SEPTIN1: variants seen among roughly 807,000 people sequenced by gnomAD.
SEPTIN1 encodes the protein septin-1.
SEPTIN1 carries 52 observed loss-of-function variants against 50.7 expected under a neutral mutation model. The observed-to-expected ratio is 1.03, with a 90% CI of 0.82 to 1.29. The LOEUF (loss-of-function observed/expected upper bound fraction) is 1.29. Ranked by LOEUF, SEPTIN1 falls within the 50% of genes most tolerant of loss-of-function variation. SEPTIN1 has a pLI of 0.00. For synonymous variants in SEPTIN1, 204 were observed against 189.1 expected (o/e 1.08, Z -0.65); for missense variants, 455 against 490.7 (o/e 0.93, Z 0.69).
rs1382624012 is a variant in SEPTIN1, at chr16:30,379,015, C to T, written c.941+3G>A. On this transcript the variant is annotated splice_donor_region_variant and intron_variant, in intron 9 of 10. Transcript: ENST00000321367. ...CTCTGATACTGTCCGCCCCGGGTCT[C>T]ACCTGCGGCTGGCTCGATCGCGAGC... 6.2e-7 allele frequency: 1 copy of T among 1,612,624 alleles called. No homozygotes were observed. The highest frequency in any genetic ancestry group is 2.2e-5 in the East Asian group (1 of 44,846).
chr16:30,378,374 G>A lies in SEPTIN1; in HGVS notation c.*60C>T. On this transcript the variant is annotated 3_prime_UTR_variant, in exon 11 of 11. Transcript: ENST00000321367. ...GGGGCGCTGGGCAGTGTGGGGCGCG[G>A]GGATTGGACAAGAGGCCGACTGAAG... is the stretch of plus-strand genomic sequence containing the variant. 1 of 1,450,808 alleles carries A rather than the reference G, an allele frequency of 6.9e-7. No homozygotes were observed. Among genetic ancestry groups the A allele is most frequent in the Non-Finnish European group, 9.2e-7 (1 of 1,090,640 alleles). 89.9% of individuals were successfully genotyped at this position (1,450,808 alleles called of 1,614,324 possible).
intron 7 of SEPTIN1, 37 bp from the exon 8 acceptor site, chr16:30,379,571 C>T: frequency 6.6e-7 from 1 of 1,505,168 alleles, no homozygotes; most frequent in Non-Finnish European, 9.2e-7. Context: ...CATTGGCTCA[C>T]ACGGCAGAAA....
intron 8 of SEPTIN1, 93 bp from the exon 9 acceptor site, chr16:30,379,276 A>C: frequency 2.6e-6 from 4 of 1,532,362 alleles, no homozygotes; most frequent in Non-Finnish European, 3.6e-6. Context: ...TCCTGCTGCC[A>C]CTCTAGCGGA....
intron 6 of SEPTIN1, chr16:30,380,863 G>A: frequency 1.9e-6 from 1 of 514,384 alleles, no homozygotes; most frequent in Non-Finnish European, 3.5e-6. Flanking sequence ...CCAGAGGGAA[G>A]TCACTATGTT....
At position 30,379,996 on chromosome 16, in the gene SEPTIN1, T is replaced by C. The variant is rs759279701; in HGVS notation, c.611A>G (p.Tyr204Cys). Residue 204 changes from tyrosine (Y) to cysteine (C), a missense_variant, in exon 7 of 11, where the codon TAC becomes TGC. Transcript: ENST00000321367. ...ATCAGAGTCACATTCGGGGAACTGG[T>C]AGATGTGGATCTCCTCTTCCTTCAA... ...DQLKEEEIHI[Y>C]QFPECDSDED... 6.2e-7 allele frequency: 1 copy of C among 1,612,526 alleles called. No individual in the cohort carries two copies. The highest frequency in any genetic ancestry group is 8.5e-7 in the Non-Finnish European group (1 of 1,178,972).
chr16:30,378,666 G>C lies in SEPTIN1; in HGVS notation c.976C>G (p.Leu326Val), dbSNP rs1567422421. ...GTGTCCGCCAGAGGCAGCATGGGCAGCGGGATCTCTGTGGCGCTCTGGCGG... is the reference window on the plus strand; with the variant it reads ...GTGTCCGCCAGAGGCAGCATGGGCACCGGGATCTCTGTGGCGCTCTGGCGG... ...LSRQSATEIP[L>V]PMLPLADTEK... Residue 326 changes from leucine to valine, a missense_variant, in exon 10 of 11, where the codon CTG becomes GTG. Transcript: ENST00000321367. 3 of 1,609,998 alleles carry C rather than the reference G, an allele frequency of 1.9e-6. No individual in the cohort carries two copies. Among genetic ancestry groups the C allele is most frequent in the Non-Finnish European group, 2.5e-6 (3 of 1,179,960 alleles).
In SEPTIN1 at chr16:30,379,944, A is replaced by G. The variant is rs1196883326; in HGVS notation, c.663T>C (p.Asp221=). 2 of 1,551,528 alleles carry G rather than the reference A, an allele frequency of 1.3e-6. No individual in the cohort carries two copies. Among genetic ancestry groups the G allele is most frequent in the Non-Finnish European group, 1.8e-6 (2 of 1,124,314 alleles). The change falls in exon 7 of 11, where the codon GAT becomes GAC. Residue 221 remains aspartate, a synonymous_variant. Coordinates refer to ENST00000321367, the MANE Select transcript of SEPTIN1 (RefSeq NM_001365977.2). ...TTGTTTCCCACACCTTCATCTCTGC[A>G]TCCTGCCTCTTGAAGTCTTCATCTT... is the stretch of plus-strand genomic sequence containing the variant. ...SDEDEDFKRQ[D]AEMKESIPFA...
In SEPTIN1 at chr16:30,378,173, T is replaced by C; in HGVS notation, c.*261A>G. On this transcript the variant is annotated 3_prime_UTR_variant, in exon 11 of 11. Transcript: ENST00000321367. The stretch of plus-strand genomic sequence containing the variant: ...CTCAGTTTTTATTGAAGACAGAGTC[T>C]GGGAGAAGAAGGGGGACTCCGGAAG... 3 of 705,164 alleles carry C rather than the reference T, an allele frequency of 4.3e-6. No individual in the cohort carries two copies. The East Asian group carries it at 8.1e-5, about 19-fold the overall frequency. The allele number at this position is 705,164 out of a possible 1,614,324, so 43.7% of individuals were successfully genotyped here.
chr16:30,380,351 G>C, intron 6 of SEPTIN1: 1 of 162,618 alleles, frequency 6.1e-6, no homozygotes, highest in Non-Finnish European at 1.3e-5. Flanking sequence ...ACCCAGGCTG[G>C]AGTCCAGTGG....
chr16:30,382,560 C>G lies in SEPTIN1; in HGVS notation c.-18G>C, dbSNP rs1375374572. 1.6e-5 allele frequency: 26 copies of G among 1,586,348 alleles called. No homozygotes were observed. Among genetic ancestry groups the G allele is most frequent in the Non-Finnish European group, 2.1e-5 (25 of 1,166,180 alleles). On this transcript the variant is annotated 5_prime_UTR_variant, in exon 1 of 11. Coordinates refer to ENST00000321367, the MANE Select transcript of SEPTIN1 (RefSeq NM_001365977.2). This position sits in a 1 kb window ranked among gnomAD's most constrained non-coding sequence, Gnocchi z 4.8. ...CCAGCCATCACTGCACCTGCCGTCT[C>G]TCCCCACTTCCTCTGGTGGGGCAGG... is the stretch of plus-strand genomic sequence containing the variant.
At chr16:30,379,349 C>T in intron 8 of SEPTIN1, 86 bp downstream of exon 8, 1 of 1,440,670 alleles carries the variant, frequency 6.9e-7, no homozygotes, top group Non-Finnish European at 9.7e-7. Context: ...GACCAAAGCC[C>T]ACCCCAACTT....
intron 9 of SEPTIN1, 151 bp from the exon 10 acceptor site, chr16:30,378,851 A>AGGGGGAGAGAGGGAGG (rs1567422669): frequency 2.5e-6 from 1 of 393,144 alleles, no homozygotes; most frequent in East Asian, 8.7e-5. Context: ...GTGGGGAGAG[A>AGGGGGAGAGAGGGAGG]GGGGGAGAGA....
chr16:30,379,181 C>T lies in SEPTIN1; in HGVS notation c.778G>A (p.Glu260Lys). 2 of 1,613,980 alleles carry T rather than the reference C, an allele frequency of 1.2e-6. No individual in the cohort carries two copies. The highest frequency in any genetic ancestry group is 1.7e-6 in the Non-Finnish European group (2 of 1,179,896). Residue 260 changes from glutamate (E) to lysine (K), a missense_variant and splice_region_variant, in exon 9 of 11, where the codon GAG becomes AAG. Transcript: ENST00000321367. The stretch of plus-strand genomic sequence containing the variant: ...AGGAAATCGCAGTGATGTGGGTTCT[C>T]CACTGGAGGGGGGGCGGCGCGGACC... ...RRYSWGTVEV[E>K]NPHHCDFLNL... is the part of the protein sequence containing the mutation.
At chr16:30,382,607 GGGGC>G, upstream of SEPTIN1, 1 of 1,553,598 alleles carries the variant, frequency 6.4e-7, no homozygotes, top group Non-Finnish European at 8.7e-7. This position sits in a 1 kb window ranked among gnomAD's most constrained non-coding sequence, Gnocchi z 4.8. Context: ...GGCTAACAAG[GGGGC>G]GGGCAGAAGA....
At chr16:30,382,734 C>T, upstream of SEPTIN1, 6 of 1,536,362 alleles carry the variant, frequency 3.9e-6, no homozygotes, top group Non-Finnish European at 5.2e-6. The surrounding 1 kb of genome is among the most constrained non-coding windows in gnomAD (Gnocchi z 4.8). Flanking sequence ...TGTCTACGTA[C>T]CTTCAACCCT....
At position 30,379,144 on chromosome 16, in the gene SEPTIN1, C is replaced by T. The variant is rs778077160; in HGVS notation, c.815G>A (p.Arg272Gln). Residue 272 changes from arginine to glutamine, a missense_variant, in exon 9 of 11, where the codon CGG becomes CAG. Arg to Gln is a conservative substitution (Grantham distance 43). Coordinates refer to ENST00000321367, the MANE Select transcript of SEPTIN1 (RefSeq NM_001365977.2). Reference sequence around the variant, plus strand: ...CTGCAGGTGTGTCTGCACCAGCATCCGTCGCAGGTTCAGGAAATCGCAGTG... The same window carrying T: ...CTGCAGGTGTGTCTGCACCAGCATCTGTCGCAGGTTCAGGAAATCGCAGTG... Reference protein sequence around the residue: ...PHHCDFLNLRRMLVQTHLQDL... With the variant: ...PHHCDFLNLRQMLVQTHLQDL... The T allele has an allele frequency of 1.4e-4, 230 of 1,614,012 alleles. 3 individuals carry two copies. The South Asian group carries it at 2.4e-3, about 17-fold the overall frequency.
chr16:30,378,731 A>G (rs1426728167), intron 9 of SEPTIN1, 31 bp from the exon 10 acceptor site: 1 of 1,592,776 alleles, frequency 6.3e-7, no homozygotes, highest in Non-Finnish European at 8.5e-7. Flanking sequence ...GACAGGAATC[A>G]GGAGCGGGAC....
chr16:30,378,784 G>T (rs2049790784), intron 9 of SEPTIN1, 84 bp from the exon 10 acceptor site: 1 of 1,374,206 alleles, frequency 7.3e-7, no homozygotes, highest in Non-Finnish European at 1.0e-6. Flanking sequence ...CCTGGGGCGA[G>T]GTTGGGGTCT....
In SEPTIN1 at chr16:30,381,969, C is replaced by T; in HGVS notation, c.197-86G>A. The T allele has an allele frequency of 1.2e-6, 2 of 1,604,572 alleles. No homozygotes were observed. Among genetic ancestry groups the T allele is most frequent in the Non-Finnish European group, 1.7e-6 (2 of 1,174,070 alleles). ...TGTCAATATCACAGTTGCCTGCACC[C>T]ATTTCCCAGGGGAGGAAAGTCTCAG... On this transcript the variant is annotated intron_variant, in intron 3 of 10. Transcript: ENST00000321367. This position sits in a 1 kb window ranked among gnomAD's most constrained non-coding sequence, Gnocchi z 4.3.
Sources: gnomAD v4.1 joint callset for allele counts on GRCh38, gnomAD v4.1.1 for gene constraint, Gnocchi (gnomAD v3.1) non-coding constraint, MANE v1.5 for transcripts, NCBI Gene and HGNC (gene_info 2026-07-23, HGNC 2026-07-21) for gene names.